Variants in GALNT16 observed in about 807,000 individuals in gnomAD.
GALNT16 encodes the protein polypeptide N-acetylgalactosaminyltransferase 16, also known as UDP-GalNAc:polypeptide N-acetylgalactosaminyltransferase-like protein 1.
GALNT16 carries 40 observed loss-of-function variants against 76.1 expected under a neutral mutation model. The observed-to-expected ratio is 0.53, with a 90% CI of 0.41 to 0.68. The LOEUF is 0.68. Among genes scored for constraint, GALNT16 ranks in the 30% least tolerant of loss-of-function variants. The probability of loss-of-function intolerance (pLI) is 0.00; values close to 1 mark genes in which losing one functional copy is unlikely to be tolerated. For missense variants in GALNT16, 621 were observed against 731.9 expected (o/e 0.85, Z 1.75); for synonymous variants, 276 against 285.2 (o/e 0.97, Z 0.32).
chr14:69,333,136 A>T lies in GALNT16; in HGVS notation c.830A>T (p.Lys277Met). 1 of 1,613,678 alleles carries T rather than the reference A, an allele frequency of 6.2e-7. No individual in the cohort carries two copies. The highest frequency in any genetic ancestry group is 8.5e-7 in the Non-Finnish European group (1 of 1,179,636). The change falls in exon 8 of 15, where the codon AAG becomes ATG. Residue 277 changes from lysine (K) to methionine (M), a missense_variant. By Grantham distance (95) the Lys-to-Met change is moderately conservative. Transcript: ENST00000448469. This position sits in a 1 kb window ranked among gnomAD's most constrained non-coding sequence, Gnocchi z 4.2. The part of the protein sequence containing the change: ...FKWEQIPLEQ[K>M]MTRTDPTRPI... The stretch of plus-strand genomic sequence containing the variant: ...TGGGAGCAGATCCCTCTTGAGCAGA[A>T]GATGACCCGGACAGACCCCACCAGG...
In GALNT16 at chr14:69,328,561, G is replaced by T; in HGVS notation, c.680G>T (p.Arg227Leu). Reference protein sequence around the residue: ...NTEWLPPMLQRVKEDHTRVVS... With the variant: ...NTEWLPPMLQLVKEDHTRVVS... ...GAGTGGCTGCCGCCCATGCTGCAGC[G>T]GGTGAAGGAGGTGAGCCACTGTCTC... Residue 227 changes from arginine to leucine, a missense_variant, in exon 6 of 15, where the codon CGG becomes CTG. Coordinates refer to ENST00000448469, the MANE Select transcript of GALNT16 (RefSeq NM_001168368.2). The T allele has an allele frequency of 6.2e-7, 1 of 1,612,918 alleles. No homozygotes were observed.
chr14:69,326,780 T>C (rs1258343414), intron 5 of GALNT16, among the ~76,000 whole-genome samples: 1 of 152,226 alleles, frequency 6.6e-6, no homozygotes, highest in Non-Finnish European at 1.5e-5. Context: ...TCAGTCCTTG[T>C]ACTCAGCCCA....
Position 69,347,044 on chromosome 14 carries a change from C to T in GALNT16, c.1276C>T (p.Pro426Ser), listed in dbSNP as rs1243201366. Reference protein sequence around the residue: ...LENVYPELTVPVKEALPGIIK... With the variant: ...LENVYPELTVSVKEALPGIIK... The stretch of plus-strand genomic sequence containing the variant: ...GACTGCTGCCTTTTCTCTCAGGGTC[C>T]CCGTGAAGGAAGCACTCCCCGGCAT... Residue 426 changes from proline to serine, a missense_variant, in exon 13 of 15, where the codon CCC becomes TCC. Physicochemically the swap from Pro to Ser is moderately conservative, Grantham distance 74. Transcript: ENST00000448469. 2.0e-5 allele frequency: 32 copies of T among 1,613,966 alleles called. No homozygotes were observed. Among genetic ancestry groups the T allele is most frequent in the African/African-American group, 2.7e-5 (2 of 74,902 alleles).
chr14:69,327,790 C>T (rs576442353), intron 5 of GALNT16, among the ~76,000 whole-genome samples: 3 of 152,302 alleles, frequency 2.0e-5, no homozygotes, highest in East Asian at 3.9e-4. Flanking sequence ...GGCAGGTCTC[C>T]GCCCAGAGCA....
At chr14:69,334,576 C>T (rs1289299779) in intron 9 of GALNT16, among the ~76,000 whole-genome samples, 1 of 152,186 alleles carries the variant, frequency 6.6e-6, no homozygotes, top group Non-Finnish European at 1.5e-5. Context: ...AGGGACAGCA[C>T]AGTACTGGGC....
chr14:69,384,416 G>A, the GALNT16 span, among the ~76,000 whole-genome samples: 1 of 152,188 alleles, frequency 6.6e-6, no homozygotes, highest in Admixed American at 6.5e-5. Context: ...GCAAATGGTA[G>A]ACCCAGGATT....
Position 69,352,066 on chromosome 14 carries a change from A to G in GALNT16, c.1575A>G (p.Ser525=). 6.2e-7 allele frequency: 1 copy of G among 1,613,920 alleles called. No individual in the cohort carries two copies. Among genetic ancestry groups the G allele is most frequent in the South Asian group, 1.1e-5 (1 of 91,052 alleles). ...WRRKGSFIQH[S]VSGLCLETKP... ...GAAAAGGATCTTTCATCCAGCATTC[A>G]GTCAGTGGCCTCTGCCTGGAGACAA... The change falls in exon 15 of 15, where the codon TCA becomes TCG. Residue 525 remains serine (S), a synonymous_variant. Transcript: ENST00000448469.
At chr14:69,314,770 G>A (rs1363427352) in intron 1 of GALNT16, among the ~76,000 whole-genome samples, 1 of 152,190 alleles carries the variant, frequency 6.6e-6, no homozygotes, top group African/African-American at 2.4e-5. Context: ...CCAGGGGAGT[G>A]GGGAGTGGTT....
At chr14:69,363,084 C>T in the GALNT16 span, among the ~76,000 whole-genome samples, 1 of 152,204 alleles carries the variant, frequency 6.6e-6, no homozygotes, top group East Asian at 1.9e-4. Flanking sequence ...AAGAGTGGTT[C>T]TGTTTGGGGT....
At chr14:69,276,542 G>A (rs2044473572) in intron 1 of GALNT16, among the ~76,000 whole-genome samples, 1 of 152,092 alleles carries the variant, frequency 6.6e-6, no homozygotes, top group South Asian at 2.1e-4. Flanking sequence ...TTAGCTGGGT[G>A]TGGTGGTGTG....
Position 69,322,924 on chromosome 14 carries a change from GGGTGTGTGT to G in GALNT16, c.336-1766_336-1758del, listed in dbSNP as rs1468748172. 2.1e-4 allele frequency among the ~76,000 whole-genome samples: 22 copies of G among 104,710 alleles called. 1 individual carries two copies. The East Asian group carries it at 3.2e-3, about 15-fold the overall frequency. 68.7% of individuals were successfully genotyped at this position (104,710 alleles called of 152,430 possible). A position where few individuals can be genotyped will look rare whatever the true frequency, so the allele number is the denominator to read the frequency against. ...AAAAAGAAAGCTGAGGTGGCTCACG[GGGTGTGTGT>G]GTGTGTGTGTGTGTGTGTGTGTGTG... On this transcript the variant is annotated intron_variant, in intron 2 of 14. Coordinates refer to ENST00000448469, the MANE Select transcript of GALNT16 (RefSeq NM_001168368.2).
chr14:69,298,898 T>C (rs1400170661), intron 1 of GALNT16, among the ~76,000 whole-genome samples: 1 of 152,216 alleles, frequency 6.6e-6, no homozygotes, highest in Non-Finnish European at 1.5e-5. Context: ...GGGAGCTGCC[T>C]CCTGTGTCTT....
chr14:69,266,907 A>G (rs2140099236), intron 1 of GALNT16, among the ~76,000 whole-genome samples: 1 of 152,306 alleles, frequency 6.6e-6, no homozygotes, highest in Non-Finnish European at 1.5e-5. Context: ...CAGAGAGAGG[A>G]AGCCAAGGCT....
At chr14:69,305,821 C>T (rs2044924992) in intron 1 of GALNT16, among the ~76,000 whole-genome samples, 1 of 152,044 alleles carries the variant, frequency 6.6e-6, no homozygotes, top group African/African-American at 2.4e-5. Context: ...TTTTTGATGT[C>T]ATGTCCACGA....
chr14:69,336,695 ATTTTATTTTTTAT>A (rs1460418828), intron 9 of GALNT16, among the ~76,000 whole-genome samples: 1 of 149,030 alleles, frequency 6.7e-6, no homozygotes, highest in East Asian at 2.0e-4. Flanking sequence ...TGCTGTATTT[ATTTTATTTTTTAT>A]TTTTATTTTT....
intron 1 of GALNT16, among the ~76,000 whole-genome samples, chr14:69,289,139 G>C (rs1221797390): frequency 2.9e-4 from 44 of 152,086 alleles, no homozygotes; most frequent in Admixed American, 2.9e-3. Context: ...CGGCCTCCCA[G>C]AGTGCTAGGA....
rs748615009 is a variant in GALNT16 at position 69,331,532 on chromosome 14, A to G, written c.759A>G (p.Ala253=). 34 of 1,603,726 alleles carry G rather than the reference A, an allele frequency of 2.1e-5. 1 individual carries two copies. Among genetic ancestry groups the G allele is most frequent in the Admixed American group, 1.3e-4 (8 of 59,992 alleles). The change falls in exon 7 of 15, where the codon GCA becomes GCG. Residue 253 remains alanine (A), a synonymous_variant. Coordinates refer to ENST00000448469, the MANE Select transcript of GALNT16 (RefSeq NM_001168368.2). ...ISLDNFAYLA[A]SADLRGGFDW... ...TGGATAATTTTGCCTACCTTGCAGC[A>G]TCTGCTGACCTTCGTGGAGGTGAGT...
At position 69,320,865 on chromosome 14, in the gene GALNT16, A is replaced by G. The variant is rs762447630; in HGVS notation, c.332A>G (p.Tyr111Cys). The G allele has an allele frequency of 7.4e-6, 12 of 1,613,922 alleles. No homozygotes were observed. Among genetic ancestry groups the G allele is most frequent in the Non-Finnish European group, 1.0e-5 (12 of 1,179,896 alleles). The change falls in exon 2 of 15, where the codon TAC becomes TGC. Residue 111 changes from tyrosine to cysteine, a missense_variant. Physicochemically the swap from Tyr to Cys is radical, Grantham distance 194 (BLOSUM62 -2). Coordinates refer to ENST00000448469, the MANE Select transcript of GALNT16 (RefSeq NM_001168368.2). ...PDRPIRDTRH[Y>C]SCPSVSYSSD... ...CGGCCCATCCGGGACACCCGCCATT[A>G]CAGGTACGGCCTCCATCGTGTCAGT...
chr14:69,351,039 G>A (rs1422588505), intron 14 of GALNT16: 2 of 152,326 alleles, frequency 1.3e-5, no homozygotes, highest in East Asian at 3.9e-4. Context: ...GGAGGTGAAG[G>A]CACTGACCAG....
Sources: allele counts gnomAD v4.1 joint callset (sites outside exome capture counted in the v4.1 genomes callset), GRCh38; gene constraint gnomAD v4.1.1; non-coding constraint Gnocchi (gnomAD v3.1); transcripts MANE v1.5; gene names NCBI Gene and HGNC (gene_info 2026-07-23, HGNC 2026-07-21).